NR3C1: variants seen among roughly 807,000 people sequenced by gnomAD.
NR3C1 encodes the protein nuclear receptor subfamily 3 group C member 1, also known as glucocorticoid receptor.
A neutral mutation model predicts 74.0 loss-of-function variants in NR3C1; 14 were observed. That is an observed-to-expected ratio of 0.19 (90% CI 0.12 to 0.30). NR3C1 has a LOEUF of 0.30. NR3C1 is among the 10% of genes least tolerant of loss of function. The pLI is 1.00. For missense variants in NR3C1, 695 were observed against 909.8 expected (o/e 0.76, Z 3.04); for synonymous variants, 308 against 332.5 (o/e 0.93, Z 0.80).
At chr5:143,346,104 C>A (rs1192073002) in intron 2 of NR3C1, among the ~76,000 whole-genome samples, 1 of 152,210 alleles carries the variant, frequency 6.6e-6, no homozygotes, top group Non-Finnish European at 1.5e-5. Flanking sequence ...GAGGCATACA[C>A]TGCATGCTGT....
chr5:143,300,129 A>G lies in NR3C1; in HGVS notation c.1747+356T>C, dbSNP rs186119239. Among the ~76,000 whole-genome samples, 4 of 152,346 alleles carry G rather than the reference A, an allele frequency of 2.6e-5. No individual in the cohort carries two copies. Among genetic ancestry groups the G allele is most frequent in the African/African-American group, 7.2e-5 (3 of 41,590 alleles). Reference sequence around the variant, plus strand: ...GTTTACCAATCTTACAAACAACCTGATTTTTAAAAGTGGCACAATGAAGGA... The same window carrying G: ...GTTTACCAATCTTACAAACAACCTGGTTTTTAAAAGTGGCACAATGAAGGA... On this transcript the variant is annotated intron_variant, in intron 5 of 8. Coordinates refer to ENST00000394464, the MANE Select transcript of NR3C1 (RefSeq NM_000176.3). This position sits in a 1 kb window ranked among gnomAD's most constrained non-coding sequence, Gnocchi z 5.2.
intron 1 of NR3C1, among the ~76,000 whole-genome samples, chr5:143,416,184 A>G (rs570707338): frequency 1.8e-4 from 27 of 152,098 alleles, no homozygotes; most frequent in African/African-American, 6.3e-4. Context: ...TCCACATATG[A>G]TACTAGGACC....
intron 1 of NR3C1, among the ~76,000 whole-genome samples, chr5:143,429,341 C>A (rs146082246): frequency 1.1e-3 from 164 of 152,294 alleles, no homozygotes; most frequent in African/African-American, 3.7e-3. Flanking sequence ...ACTACAAAAT[C>A]TCACCATATG....
At chr5:143,289,985 T>C (rs1815481671) in intron 7 of NR3C1, among the ~76,000 whole-genome samples, 2 of 152,200 alleles carry the variant, frequency 1.3e-5, no homozygotes, top group South Asian at 4.1e-4. Context: ...GAAATGTACA[T>C]CCATATCCTT....
intron 4 of NR3C1, among the ~76,000 whole-genome samples, chr5:143,308,648 T>C (rs1200950964): frequency 1.3e-5 from 2 of 152,206 alleles, no homozygotes; most frequent in Non-Finnish European, 2.9e-5. Context: ...ATCTAATTCC[T>C]ACTCAGCTTA....
intron 2 of NR3C1, among the ~76,000 whole-genome samples, chr5:143,372,777 T>C (rs1169762492): frequency 6.6e-6 from 1 of 152,222 alleles, no homozygotes; most frequent in African/African-American, 2.4e-5. Flanking sequence ...AGAAACTTTT[T>C]ACTGCCATTC....
upstream of NR3C1, among the ~76,000 whole-genome samples, chr5:143,406,549 C>T (rs1359166236): frequency 6.6e-6 from 1 of 152,086 alleles, no homozygotes; most frequent in Non-Finnish European, 1.5e-5. Context: ...ATAAGTTAAC[C>T]CCTCTTTTTC....
chr5:143,413,784 C>CA (rs1841385491), intron 1 of NR3C1, among the ~76,000 whole-genome samples: 1 of 152,070 alleles, frequency 6.6e-6, no homozygotes, highest in African/African-American at 2.4e-5. Context: ...CTATGATGGG[C>CA]AAAGCCTAGC....
At chr5:143,368,161 T>C (rs1355227764) in intron 2 of NR3C1, among the ~76,000 whole-genome samples, 1 of 152,188 alleles carries the variant, frequency 6.6e-6, no homozygotes, top group Non-Finnish European at 1.5e-5. Flanking sequence ...TTTCAACAAA[T>C]GGTGCTGGGA....
At chr5:143,340,641 C>G (rs541336785) in intron 2 of NR3C1, among the ~76,000 whole-genome samples, 1 of 151,892 alleles carries the variant, frequency 6.6e-6, no homozygotes, top group South Asian at 2.1e-4. Context: ...CGCCACCACG[C>G]CCAGCTATTT....
At chr5:143,358,875 C>T (rs1196760135) in intron 2 of NR3C1, among the ~76,000 whole-genome samples, 1 of 150,648 alleles carries the variant, frequency 6.6e-6, no homozygotes, top group Non-Finnish European at 1.5e-5. Context: ...ACTCCAGCCC[C>T]GTGAACAAGA....
At chr5:143,370,439 C>T (rs577359500) in intron 2 of NR3C1, among the ~76,000 whole-genome samples, 34 of 152,248 alleles carry the variant, frequency 2.2e-4, no homozygotes, top group Middle Eastern at 3.4e-3. Context: ...ATAAATATGT[C>T]CTTATTGTTT....
In NR3C1 at chr5:143,300,031, T is replaced by G. The variant is rs1818173864; in HGVS notation, c.1747+454A>C. Reference sequence around the variant, plus strand: ...ATTATCTTTAAAATTACATTCAATGTGTAGCATTTCATTTAGTGAAGGGTT... The same window carrying G: ...ATTATCTTTAAAATTACATTCAATGGGTAGCATTTCATTTAGTGAAGGGTT... On this transcript the variant is annotated intron_variant, in intron 5 of 8. Coordinates refer to ENST00000394464, the MANE Select transcript of NR3C1 (RefSeq NM_000176.3). This position sits in a 1 kb window ranked among gnomAD's most constrained non-coding sequence, Gnocchi z 5.2. 6.6e-6 allele frequency among the ~76,000 whole-genome samples: 1 copy of G among 152,242 alleles called. No individual in the cohort carries two copies. Among genetic ancestry groups the G allele is most frequent in the Non-Finnish European group, 1.5e-5 (1 of 68,048 alleles).
chr5:143,297,889 A>G (rs922239530), intron 6 of NR3C1, among the ~76,000 whole-genome samples: 3 of 152,098 alleles, frequency 2.0e-5, no homozygotes, highest in Admixed American at 1.3e-4. Flanking sequence ...GTGAGGTCAG[A>G]TTCTGGAAAG....
chr5:143,300,482 T>C lies in NR3C1; in HGVS notation c.1747+3A>G. On this transcript the variant is annotated splice_donor_region_variant and intron_variant, in intron 5 of 8. Coordinates refer to ENST00000394464, the MANE Select transcript of NR3C1 (RefSeq NM_000176.3). This position sits in a 1 kb window ranked among gnomAD's most constrained non-coding sequence, Gnocchi z 5.2. Reference sequence around the variant, plus strand: ...AGTTGCTCTTTTATGTTTTGCATCTTACCTGGTATTGCCTTTGCCCATTTC... The same window carrying C: ...AGTTGCTCTTTTATGTTTTGCATCTCACCTGGTATTGCCTTTGCCCATTTC... 1 of 1,614,206 alleles carries C rather than the reference T, an allele frequency of 6.2e-7. No individual in the cohort carries two copies. The highest frequency in any genetic ancestry group is 8.5e-7 in the Non-Finnish European group (1 of 1,180,010).
chr5:143,394,061 G>A (rs1336328320), intron 2 of NR3C1, among the ~76,000 whole-genome samples: 1 of 151,704 alleles, frequency 6.6e-6, no homozygotes, highest in African/African-American at 2.4e-5. Context: ...GTGCCCTACA[G>A]TGAGAATGAA....
At chr5:143,406,675 T>C (rs528467873), upstream of NR3C1, among the ~76,000 whole-genome samples, 1 of 152,348 alleles carries the variant, frequency 6.6e-6, no homozygotes, top group East Asian at 1.9e-4. Flanking sequence ...GATTTTTCAA[T>C]ATGAGGACAA....
At chr5:143,345,295 C>T (rs1829070232) in intron 2 of NR3C1, among the ~76,000 whole-genome samples, 3 of 152,166 alleles carry the variant, frequency 2.0e-5, no homozygotes, top group Admixed American at 6.5e-5. Context: ...CTGCAACCTC[C>T]ACCTCCCAGG....
At chr5:143,335,003 A>G (rs1600073167) in intron 2 of NR3C1, among the ~76,000 whole-genome samples, 1 of 152,240 alleles carries the variant, frequency 6.6e-6, no homozygotes, top group East Asian at 1.9e-4. Context: ...AAAGAAGAAG[A>G]AACACTGAAT....
Sources: gnomAD v4.1 joint callset for allele counts (sites outside exome capture counted in the v4.1 genomes callset) on GRCh38, gnomAD v4.1.1 for gene constraint, Gnocchi (gnomAD v3.1) non-coding constraint, MANE v1.5 for transcripts, NCBI Gene and HGNC (gene_info 2026-07-23, HGNC 2026-07-21) for gene names.